Variants in FLG2 observed in about 807,000 individuals in gnomAD.
FLG2 encodes the protein filaggrin-2.
Under a neutral mutation model 3.9 loss-of-function variants are expected in FLG2, and 7 were observed. The ratio of observed to expected loss-of-function variants is 1.79; its 90% confidence interval spans 1.02 to 3.36. FLG2 has a LOEUF of 3.36. Ranked by LOEUF, FLG2 falls within the 30% of genes most tolerant of loss-of-function variation. The pLI, the probability that FLG2 is intolerant of heterozygous loss-of-function variation, is 0.00. For missense variants in FLG2, 2,700 were observed against 2,809.4 expected (o/e 0.96, Z 0.88); for synonymous variants, 1,031 against 1,056.1 (o/e 0.98, Z 0.46).
chr1:152,357,702 A>G, intron 2 of FLG2, 55 bp from the exon 3 acceptor site: 1 of 1,233,482 alleles, frequency 8.1e-7, no homozygotes. Context: ...TGCATACTCA[A>G]CTAACACATT....
At position 152,354,174 on chromosome 1, in the gene FLG2, T is replaced by C; in HGVS notation, c.3612A>G (p.Gly1204=). Reference sequence around the variant, plus strand: ...CTGAGCCTGAACCATATTGGCCAAATCCAGTGGACTGACCTGAGTCAGATA... The same window carrying C: ...CTGAGCCTGAACCATATTGGCCAAACCCAGTGGACTGACCTGAGTCAGATA... ...QHISDSGQST[G]FGQYGSGSGQ... The change falls in exon 3 of 3, where the codon GGA becomes GGG. Residue 1204 remains glycine, a synonymous_variant. Coordinates refer to ENST00000388718, the MANE Select transcript of FLG2 (RefSeq NM_001014342.3). 6.2e-7 allele frequency: 1 copy of C among 1,614,112 alleles called. No individual in the cohort carries two copies. The highest frequency in any genetic ancestry group is 8.5e-7 in the Non-Finnish European group (1 of 1,180,010).
rs777546723 is a variant in FLG2, at chr1:152,353,426, G to A, written c.4360C>T (p.His1454Tyr). ...TGAACTGTGGATCCTGACTCTCCAT[G>A]TTGAGATCCGGCTTGGCCATGAGTT... ...EQTHGQAGSQ[H>Y]GESGSTVHGR... Residue 1454 changes from histidine to tyrosine, a missense_variant, in exon 3 of 3, where the codon CAT becomes TAT. Transcript: ENST00000388718. 3.5e-5 allele frequency: 57 copies of A among 1,612,122 alleles called. No homozygotes were observed. In the Middle Eastern group the frequency reaches 8.3e-4, roughly 23 times the overall value.
intron 1 of FLG2, among the ~76,000 whole-genome samples, chr1:152,359,635 G>A (rs1654374374): frequency 6.6e-6 from 1 of 152,146 alleles, no homozygotes; most frequent in South Asian, 2.1e-4. Context: ...AGACCCAGCT[G>A]CCTCCCAGTT....
chr1:152,352,178 A>G lies in FLG2; in HGVS notation c.5608T>C (p.Ser1870Pro), dbSNP rs73007784. ...SGHGQSTQSG[S>P]STTGRRRSGH... Reference sequence around the variant, plus strand: ...GATCTCCTTCTTCCAGTTGTACTGGATCCTGACTGTGTGGACTGTCCATGA... The same window carrying G: ...GATCTCCTTCTTCCAGTTGTACTGGGTCCTGACTGTGTGGACTGTCCATGA... The change falls in exon 3 of 3, where the codon TCC becomes CCC. Residue 1870 changes from serine (S) to proline (P), a missense_variant. Physicochemically the swap from Ser to Pro is moderately conservative, Grantham distance 74 (BLOSUM62 -1). Transcript: ENST00000388718. The G allele has an allele frequency of 9.5e-4, 1,537 of 1,613,480 alleles. 19 individuals are homozygous for G. In the African/African-American group the frequency reaches 0.018, roughly 19 times the overall value.
In FLG2 at chr1:152,351,686, T is replaced by C. The variant is rs752567643; in HGVS notation, c.6100A>G (p.Ser2034Gly). The change falls in exon 3 of 3, where the codon AGT (serine) becomes GGT (glycine). Residue 2034 changes from serine (S) to glycine (G), a missense_variant. Physicochemically the swap from Ser to Gly is moderately conservative, Grantham distance 56. Transcript: ENST00000388718. ...GRRASGHSEY[S>G]DSEGHSGVSH... ...ACCCCTGAGTGCCCTTCACTGTCAC[T>C]GTACTCACTGTGGCCAGATGCCCTT... is the stretch of plus-strand genomic sequence containing the variant. 8.1e-6 allele frequency: 13 copies of C among 1,611,170 alleles called. No individual in the cohort carries two copies. The highest frequency in any genetic ancestry group is 1.1e-5 in the Non-Finnish European group (13 of 1,179,478).
rs1374421600 is a variant in FLG2 at position 152,355,359 on chromosome 1, T to C, written c.2427A>G (p.Gln809=). The change falls in exon 3 of 3, where the codon CAA becomes CAG. Residue 809 remains glutamine (Q), a synonymous_variant. Transcript: ENST00000388718. The part of the protein sequence containing the change: ...SGSSQSTGFG[Q]YGSGSGQSAG... ...CGGACTGACCTGAGCCTGATCCATA[T>C]TGGCCAAAGCCAGTGGATTGACTTG... 3.7e-6 allele frequency: 6 copies of C among 1,613,586 alleles called. No homozygotes were observed. The highest frequency in any genetic ancestry group is 4.2e-6 in the Non-Finnish European group (5 of 1,179,856).
In FLG2 at chr1:152,354,374, A is replaced by T; in HGVS notation, c.3412T>A (p.Ser1138Thr). Residue 1138 changes from serine to threonine, a missense_variant, in exon 3 of 3, where the codon TCC becomes ACC. Coordinates refer to ENST00000388718, the MANE Select transcript of FLG2 (RefSeq NM_001014342.3). ...TACTCATGCTGTGCAAAGCCAGAGG[A>T]TTTACCTGTGCCTGACCCATGTTGT... ...FGQHGSGTGK[S>T]SGFAQHEYRS... The T allele has an allele frequency of 6.2e-7, 1 of 1,614,020 alleles. No homozygotes were observed. The highest frequency in any genetic ancestry group is 8.5e-7 in the Non-Finnish European group (1 of 1,180,004).
chr1:152,352,180 CCTGA>C lies in FLG2; in HGVS notation c.5602_5605del (p.Ser1868AspfsTer533). The stretch of plus-strand genomic sequence containing the variant: ...TCTCCTTCTTCCAGTTGTACTGGAT[CCTGA>C]CTGTGTGGACTGTCCATGACCAGAT... On this transcript the variant is annotated frameshift_variant, in exon 3 of 3. Transcript: ENST00000388718. LOFTEE classifies it low-confidence loss of function (END_TRUNC). The C allele has an allele frequency of 1.9e-6, 3 of 1,613,824 alleles. No individual in the cohort carries two copies. The highest frequency in any genetic ancestry group is 2.5e-6 in the Non-Finnish European group (3 of 1,179,916).
chr1:152,352,019 G>C lies in FLG2; in HGVS notation c.5767C>G (p.His1923Asp), dbSNP rs780299093. Residue 1923 changes from histidine to aspartate, a missense_variant, in exon 3 of 3, where the codon CAT becomes GAT. Physicochemically the swap from His to Asp is moderately conservative, Grantham distance 81 (BLOSUM62 -1). Transcript: ENST00000388718. ...TCAGTGGTATCTCCTGTCTGTCCAT[G>C]AGTAGTTTGGTGTCTCTTGTGAACT... ...STVHKRHQTTHGQTGDTTEHG... is the reference protein window; with the variant it reads ...STVHKRHQTTDGQTGDTTEHG... 8.1e-6 allele frequency: 13 copies of C among 1,613,778 alleles called. No homozygotes were observed. The highest frequency in any genetic ancestry group is 1.0e-5 in the Non-Finnish European group (12 of 1,179,966).
At position 152,352,838 on chromosome 1, in the gene FLG2, T is replaced by G. The variant is rs762594513; in HGVS notation, c.4948A>C (p.Arg1650=). The G allele has an allele frequency of 6.2e-7, 1 of 1,608,106 alleles. No homozygotes were observed. The highest frequency in any genetic ancestry group is 1.1e-5 in the South Asian group (1 of 90,840). Residue 1650 remains arginine, a synonymous_variant, in exon 3 of 3, where the codon AGA becomes CGA. Coordinates refer to ENST00000388718, the MANE Select transcript of FLG2 (RefSeq NM_001014342.3). The part of the protein sequence containing the change: ...QRGSRTTGRQ[R]SSHSESSDSE... ...TCACTGGACTCACTGTGGCTAGATC[T>G]CTGTCTTCCAGTTGTCCTGGACCCT...
rs754115496 is a variant in FLG2 at position 152,356,259 on chromosome 1, C to T, written c.1527G>A (p.Gly509=). 2.5e-6 allele frequency: 4 copies of T among 1,613,472 alleles called. No homozygotes were observed. In the Admixed American group the frequency reaches 6.7e-5, roughly 27 times the overall value. The change falls in exon 3 of 3, where the codon GGG becomes GGA. Residue 509 remains glycine (G), a synonymous_variant. Transcript: ENST00000388718. ...SGQSSGFGQH[G]SVSGQSSGFG... is the part of the protein sequence containing the mutation. The stretch of plus-strand genomic sequence containing the variant: ...AACCAGAGGATTGTCCTGAGACAGA[C>T]CCATGCTGTCCAAAGCCAGAGGACT...
In FLG2 at chr1:152,351,436, A is replaced by G. The variant is rs374144111; in HGVS notation, c.6350T>C (p.Val2117Ala). The change falls in exon 3 of 3, where the codon GTC (valine) becomes GCC (alanine). Residue 2117 changes from valine (V) to alanine (A), a missense_variant. Val to Ala is a moderately conservative substitution (Grantham distance 64). Transcript: ENST00000388718. ...AGTGTGTCCTGAATGTGTGTGTGAG[A>G]CCCCTGAGTGCACTTCACTGTCACT... is the stretch of plus-strand genomic sequence containing the variant. ...ESSDSEVHSG[V>A]SHTHSGHTYG... The G allele has an allele frequency of 4.4e-5, 70 of 1,591,632 alleles. No individual in the cohort carries two copies. In the East Asian group the frequency reaches 7.8e-4, roughly 18 times the overall value.
chr1:152,352,980 G>A lies in FLG2; in HGVS notation c.4806C>T (p.Ala1602=), dbSNP rs73007787. 0.012 allele frequency: 18,799 copies of A among 1,612,198 alleles called. 1,564 individuals carry two copies. In the African/African-American group the frequency reaches 0.2, roughly 17 times the overall value. ...PHSREHTYGQ[A]GSQHEEPEFT... ...ATTCTGGCTCTTCATGTTGAGATCCGGCTTGGCCGTAAGTGTGTTCTCGTG... is the reference window on the plus strand; with the variant it reads ...ATTCTGGCTCTTCATGTTGAGATCCAGCTTGGCCGTAAGTGTGTTCTCGTG... The change falls in exon 3 of 3, where the codon GCC becomes GCT. Residue 1602 remains alanine, a synonymous_variant. Transcript: ENST00000388718.
rs190841432 is a variant in FLG2 at position 152,350,724 on chromosome 1, A to G, written c.7062T>C (p.Tyr2354=). Residue 2354 remains tyrosine (Y), a synonymous_variant, in exon 3 of 3, where the codon TAT becomes TAC. Coordinates refer to ENST00000388718, the MANE Select transcript of FLG2 (RefSeq NM_001014342.3). ...WKHGSYGPAE[Y]DYGHTGYGPS... is the part of the protein sequence containing the mutation. The stretch of plus-strand genomic sequence containing the variant: ...GCCCATACCCAGTGTGCCCATAGTC[A>G]TATTCTGCAGGTCCATAGCTGCCAT... 337 of 1,614,174 alleles carry G rather than the reference A, an allele frequency of 2.1e-4. 4 individuals are homozygous for G. In the East Asian group the frequency reaches 7.2e-3, roughly 35 times the overall value.
Position 152,350,041 on chromosome 1 carries a change from G to T in FLG2, c.*569C>A. Reference sequence around the variant, plus strand: ...ATGGCTGTATACTTGTCTTTCATTGGTACTGAATCCAGACTGACCCTAGGC... The same window carrying T: ...ATGGCTGTATACTTGTCTTTCATTGTTACTGAATCCAGACTGACCCTAGGC... On this transcript the variant is annotated 3_prime_UTR_variant, in exon 3 of 3. Transcript: ENST00000388718. 1 of 157,384 alleles carries T rather than the reference G, an allele frequency of 6.4e-6. No homozygotes were observed. The highest frequency in any genetic ancestry group is 1.4e-5 in the Non-Finnish European group (1 of 70,934). 9.7% of individuals were successfully genotyped at this position (157,384 alleles called of 1,614,324 possible). A position where few individuals can be genotyped will look rare whatever the true frequency, so the allele number is the denominator to read the frequency against.
At position 152,350,585 on chromosome 1, in the gene FLG2, T is replaced by C. The variant is rs775841707; in HGVS notation, c.*25A>G. ...GTTCTTTTAGTTGCTTTGGATACTA[T>C]AAGGTCAGAACTAGAAAATAACTGT... On this transcript the variant is annotated 3_prime_UTR_variant, in exon 3 of 3. Coordinates refer to ENST00000388718, the MANE Select transcript of FLG2 (RefSeq NM_001014342.3). 3 of 1,592,816 alleles carry C rather than the reference T, an allele frequency of 1.9e-6. No individual in the cohort carries two copies. Among genetic ancestry groups the C allele is most frequent in the South Asian group, 2.3e-5 (2 of 85,938 alleles).
rs753069525 is a variant in FLG2 at position 152,356,051 on chromosome 1, C to G, written c.1735G>C (p.Gly579Arg). 1.2e-6 allele frequency: 2 copies of G among 1,613,754 alleles called. No homozygotes were observed. The highest frequency in any genetic ancestry group is 3.3e-5 in the Admixed American group (2 of 59,982). Residue 579 changes from glycine to arginine, a missense_variant, in exon 3 of 3, where the codon GGC becomes CGC. Gly to Arg is a moderately radical substitution (Grantham distance 125, BLOSUM62 -2). Coordinates refer to ENST00000388718, the MANE Select transcript of FLG2 (RefSeq NM_001014342.3). ...GAGCCCGATCCATATTGGCCAAAGC[C>G]AGTGGATTGACCTGAGCCCAACCCA... ...QHGLGSGQST[G>R]FGQYGSGSGQ...
Position 152,355,704 on chromosome 1 carries a change from G to A in FLG2, c.2082C>T (p.Gly694=). The change falls in exon 3 of 3, where the codon GGC becomes GGT. Residue 694 remains glycine, a synonymous_variant. Transcript: ENST00000388718. ...HESRSGHSSY[G]QHGFGSSQSS... is the part of the protein sequence containing the mutation. ...ATTGACTTGAGCCAAAACCATGTTGGCCATAGCTAGAATGACCTGATCTAG... is the reference window on the plus strand; with the variant it reads ...ATTGACTTGAGCCAAAACCATGTTGACCATAGCTAGAATGACCTGATCTAG... The A allele has an allele frequency of 6.2e-7, 1 of 1,613,840 alleles. No homozygotes were observed. The highest frequency in any genetic ancestry group is 1.1e-5 in the South Asian group (1 of 91,066).
At position 152,357,278 on chromosome 1, in the gene FLG2, T is replaced by C; in HGVS notation, c.508A>G (p.Ser170Gly). ...TGAGATCCCTCTTGGTTCCCAGAGC[T>C]GGATAAATTACCTTGTCTTCCTAGC... ...RRLGRQGNLS[S>G]SGNQEGSQKR... The change falls in exon 3 of 3, where the codon AGC becomes GGC. Residue 170 changes from serine (S) to glycine (G), a missense_variant. By Grantham distance (56) the Ser-to-Gly change is moderately conservative. Coordinates refer to ENST00000388718, the MANE Select transcript of FLG2 (RefSeq NM_001014342.3). 1.2e-6 allele frequency: 2 copies of C among 1,614,166 alleles called. No individual in the cohort carries two copies. Among genetic ancestry groups the C allele is most frequent in the Non-Finnish European group, 1.7e-6 (2 of 1,180,020 alleles).
Sources: allele counts gnomAD v4.1 joint callset (sites outside exome capture counted in the v4.1 genomes callset), GRCh38; gene constraint gnomAD v4.1.1; transcripts MANE v1.5; gene names NCBI Gene and HGNC (gene_info 2026-07-23, HGNC 2026-07-21).